The following RANBP17 variants were observed in gnomAD, a reference collection of about 807,000 sequenced individuals.
RANBP17 encodes the protein RAN binding protein 17, also known as ran-binding protein 17.
In RANBP17, 158 loss-of-function variants were observed where a neutral mutation model predicts 141.2. The observed-to-expected ratio is 1.12, with a 90% CI of 0.98 to 1.28. The LOEUF is 1.28. Among genes scored for constraint, RANBP17 ranks in the 50% most tolerant of loss-of-function variants. The pLI is 0.00. For missense variants in RANBP17, 1,438 were observed against 1,290.7 expected, an observed-to-expected ratio of 1.11 and a Z score of -1.75; for synonymous variants, 430 against 450.0, an observed-to-expected ratio of 0.96 and a Z score of 0.56.
At chr5:170,938,855 A>C (rs1165403807) in intron 12 of RANBP17, among the ~76,000 whole-genome samples, 1 of 152,174 alleles carries the variant, frequency 6.6e-6, no homozygotes, top group African/African-American at 2.4e-5. Flanking sequence ...GAAAGATAGA[A>C]TAGAGGAAGG....
chr5:171,226,676 G>A (rs1466469745), intron 22 of RANBP17, among the ~76,000 whole-genome samples: 1 of 152,144 alleles, frequency 6.6e-6, no homozygotes, highest in African/African-American at 2.4e-5. Context: ...GAAAAAGGGG[G>A]AAAGAGGACC....
At chr5:171,117,707 T>A (rs1755735882) in intron 14 of RANBP17, among the ~76,000 whole-genome samples, 1 of 152,098 alleles carries the variant, frequency 6.6e-6, no homozygotes, top group African/African-American at 2.4e-5. Context: ...TTGACCATGC[T>A]AGTCTCGAAC....
intron 22 of RANBP17, among the ~76,000 whole-genome samples, chr5:171,230,979 C>T (rs1430933713): frequency 6.6e-6 from 1 of 151,792 alleles, no homozygotes; most frequent in Non-Finnish European, 1.5e-5. Context: ...CTCTGTCACC[C>T]AGGCTGGAGT....
intron 14 of RANBP17, among the ~76,000 whole-genome samples, chr5:171,126,873 G>A (rs959409356): frequency 6.6e-6 from 1 of 152,136 alleles, no homozygotes; most frequent in African/African-American, 2.4e-5. Context: ...CATGGCTTTA[G>A]TACTGAATTT....
intron 12 of RANBP17, among the ~76,000 whole-genome samples, chr5:170,943,673 A>G (rs1319203214): frequency 2.0e-5 from 3 of 152,076 alleles, no homozygotes; most frequent in African/African-American, 7.2e-5. Context: ...TATGTAGCAG[A>G]TTTTTTTCTC....
chr5:170,878,262 T>G lies in RANBP17; in HGVS notation c.165+19T>G, dbSNP rs914442001. 1.3e-6 allele frequency: 2 copies of G among 1,589,510 alleles called. No homozygotes were observed. ...AGGAACAGTAAGTATTTGGTAACAATGATTAACCATGAAAGATCAGTAGAT... is the reference window on the plus strand; with the variant it reads ...AGGAACAGTAAGTATTTGGTAACAAGGATTAACCATGAAAGATCAGTAGAT... On this transcript the variant is annotated intron_variant, in intron 2 of 27. Coordinates refer to ENST00000523189, the MANE Select transcript of RANBP17 (RefSeq NM_022897.5).
intron 14 of RANBP17, among the ~76,000 whole-genome samples, chr5:171,111,368 A>G (rs1424604844): frequency 6.6e-6 from 1 of 152,060 alleles, no homozygotes; most frequent in Non-Finnish European, 1.5e-5. Flanking sequence ...AGTCATCTGG[A>G]TGCTTTATCT....
At chr5:171,262,920 C>T (rs1313521281) in intron 24 of RANBP17, among the ~76,000 whole-genome samples, 1 of 152,188 alleles carries the variant, frequency 6.6e-6, no homozygotes, top group Non-Finnish European at 1.5e-5. Context: ...GTGTTAAATG[C>T]ATACGACTGT....
intron 24 of RANBP17, among the ~76,000 whole-genome samples, chr5:171,247,777 C>T (rs971752071): frequency 6.6e-6 from 1 of 152,104 alleles, no homozygotes; most frequent in Non-Finnish European, 1.5e-5. Context: ...CCTTTCTAAA[C>T]CTTGGCAGTA....
At chr5:170,938,932 A>G (rs1270318294) in intron 12 of RANBP17, among the ~76,000 whole-genome samples, 1 of 152,294 alleles carries the variant, frequency 6.6e-6, no homozygotes, top group Middle Eastern at 3.4e-3. Context: ...GAGTTCATCA[A>G]TACAGCAAGC....
chr5:171,129,833 G>A (rs1007032593), intron 14 of RANBP17, among the ~76,000 whole-genome samples: 7 of 152,130 alleles, frequency 4.6e-5, no homozygotes, highest in African/African-American at 1.2e-4. Flanking sequence ...TCTCTGTTAC[G>A]ATGTGCAGAA....
intron 25 of RANBP17, chr5:171,271,075 C>CCTTTTTTTTTTTTTTTTTTTTT (rs1767076411): frequency 1.1e-4 from 3 of 27,540 alleles, no homozygotes; most frequent in East Asian, 4.3e-4. Context: ...TATGTTATTT[C>CCTTTTTTTTTTTTTTTTTTTTT]TTTTTTTTTT....
At chr5:170,967,767 A>G (rs1776688705) in intron 13 of RANBP17, among the ~76,000 whole-genome samples, 1 of 151,718 alleles carries the variant, frequency 6.6e-6, no homozygotes, top group Non-Finnish European at 1.5e-5. Flanking sequence ...CTTTTGTTAG[A>G]TGTACCTCTT....
intron 18 of RANBP17, among the ~76,000 whole-genome samples, chr5:171,197,839 C>G (rs926691339): frequency 6.6e-6 from 1 of 152,084 alleles, no homozygotes; most frequent in African/African-American, 2.4e-5. Flanking sequence ...GAGATCAAGA[C>G]CATCCTGGCT....
intron 18 of RANBP17, among the ~76,000 whole-genome samples, chr5:171,193,777 T>C (rs1761803086): frequency 6.6e-6 from 1 of 152,222 alleles, no homozygotes; most frequent in Non-Finnish European, 1.5e-5. Context: ...CTTGCACTTT[T>C]AAGGACCCTT....
At chr5:171,192,531 A>C (rs1761718073) in intron 18 of RANBP17, among the ~76,000 whole-genome samples, 1 of 152,180 alleles carries the variant, frequency 6.6e-6, no homozygotes, top group African/African-American at 2.4e-5. Flanking sequence ...TAGGGAGAAG[A>C]ATTAAAGGGC....
In RANBP17 at chr5:170,919,445, G is replaced by T. The variant is rs766766666; in HGVS notation, c.1106G>T (p.Trp369Leu). The change falls in exon 11 of 28, where the codon TGG (tryptophan) becomes TTG (leucine). Residue 369 changes from tryptophan to leucine, a missense_variant. Coordinates refer to ENST00000523189, the MANE Select transcript of RANBP17 (RefSeq NM_022897.5). ...ANFTITSLQH[W>L]EFAPNSVHYL... ...TTCTGCTTTATTTCTTTGTAGCACTGGGAATTTGCTCCTAACAGTGTTCAT... is the reference window on the plus strand; with the variant it reads ...TTCTGCTTTATTTCTTTGTAGCACTTGGAATTTGCTCCTAACAGTGTTCAT... 2 of 1,562,822 alleles carry T rather than the reference G, an allele frequency of 1.3e-6. No homozygotes were observed. Among genetic ancestry groups the T allele is most frequent in the Non-Finnish European group, 1.7e-6 (2 of 1,158,180 alleles).
At chr5:170,914,390 C>A in intron 8 of RANBP17, 150 bp downstream of exon 8, 1 of 601,326 alleles carries the variant, frequency 1.7e-6, no homozygotes, top group Admixed American at 3.1e-5. Flanking sequence ...ACTGCTTAAA[C>A]TATTTGTCAA....
intron 25 of RANBP17, chr5:171,271,767 G>A: frequency 4.6e-6 from 1 of 216,810 alleles, no homozygotes; most frequent in Non-Finnish European, 9.3e-6. Context: ...TATGTCATTA[G>A]ACACTGAAAT....
Sources: allele counts gnomAD v4.1 joint callset (sites outside exome capture counted in the v4.1 genomes callset), GRCh38; gene constraint gnomAD v4.1.1; transcripts MANE v1.5; gene names NCBI Gene and HGNC (gene_info 2026-07-23, HGNC 2026-07-21).